The following AKAP6 variants were observed in gnomAD, a reference collection of about 807,000 sequenced individuals.
AKAP6 encodes A-kinase anchoring protein 6.
AKAP6 carries 58 observed loss-of-function variants against 188.5 expected under a neutral mutation model. That is an observed-to-expected ratio of 0.31 (90% confidence interval 0.25 to 0.38). The LOEUF is 0.38. AKAP6 is among the 10% of genes least tolerant of loss of function. AKAP6 has a pLI of 1.00. For synonymous variants in AKAP6, 989 were observed against 998.6 expected (o/e 0.99, Z 0.18); for missense variants, 2,710 against 2,740.0 (o/e 0.99, Z 0.24).
intron 2 of AKAP6, among the ~76,000 whole-genome samples, chr14:32,478,030 T>A (rs1465657542): frequency 1.3e-5 from 2 of 152,166 alleles, no homozygotes; most frequent in Non-Finnish European, 2.9e-5. Context: ...TCAACAGGCA[T>A]TGCATGGCTG....
chr14:32,510,380 G>GTA (rs56715964), intron 2 of AKAP6, among the ~76,000 whole-genome samples: 45,411 of 93,866 alleles, frequency 0.48, 9,180 homozygotes, highest in African/African-American at 0.56. Flanking sequence ...ATATATATGT[G>GTA]TATATATATA....
intron 1 of AKAP6, among the ~76,000 whole-genome samples, chr14:32,362,206 G>A (rs1887686992): frequency 6.6e-6 from 1 of 152,058 alleles, no homozygotes; most frequent in Non-Finnish European, 1.5e-5. Flanking sequence ...CATAGTTCCA[G>A]GCATGAAGAC....
intron 12 of AKAP6, among the ~76,000 whole-genome samples, chr14:32,781,368 ATATG>A (rs1372692631): frequency 6.6e-6 from 1 of 151,736 alleles, no homozygotes; most frequent in African/African-American, 2.4e-5. Flanking sequence ...AAAAAAGAGA[ATATG>A]AAGGTAATTT....
chr14:32,734,399 A>G (rs1035036974), intron 10 of AKAP6: 2 of 152,126 alleles, frequency 1.3e-5, no homozygotes, highest in African/African-American at 4.8e-5. Context: ...TGTGCTGCAT[A>G]TTACTCTGTC....
At chr14:32,588,601 G>A (rs1466036551) in intron 5 of AKAP6, among the ~76,000 whole-genome samples, 1 of 152,136 alleles carries the variant, frequency 6.6e-6, no homozygotes, top group East Asian at 1.9e-4. Flanking sequence ...CCTGAACTTT[G>A]TTGTTCCTTT....
At chr14:32,588,428 G>C (rs1885344637) in intron 5 of AKAP6, among the ~76,000 whole-genome samples, 2 of 152,108 alleles carry the variant, frequency 1.3e-5, no homozygotes, top group South Asian at 4.1e-4. Context: ...TTTCCTCCTT[G>C]TCCCATTTGT....
intron 7 of AKAP6, among the ~76,000 whole-genome samples, chr14:32,612,290 G>A (rs1263190081): frequency 6.6e-6 from 1 of 152,070 alleles, no homozygotes. Flanking sequence ...ACTCCTTGGG[G>A]CAGCAACTAC....
At chr14:32,799,084 T>C (rs192537823) in intron 12 of AKAP6, among the ~76,000 whole-genome samples, 5 of 152,292 alleles carry the variant, frequency 3.3e-5, no homozygotes, top group African/African-American at 4.8e-5. Context: ...GTAGACAATA[T>C]ATTTTTGCTT....
At chr14:32,483,079 A>G (rs1879449926) in intron 2 of AKAP6, among the ~76,000 whole-genome samples, 1 of 151,824 alleles carries the variant, frequency 6.6e-6, no homozygotes, top group Admixed American at 6.6e-5. Flanking sequence ...ACTAATTTAC[A>G]TTCTTCCCAG....
At chr14:32,488,220 C>G (rs1321276346) in intron 2 of AKAP6, among the ~76,000 whole-genome samples, 1 of 152,178 alleles carries the variant, frequency 6.6e-6, no homozygotes, top group Non-Finnish European at 1.5e-5. Flanking sequence ...TTTAGAGATG[C>G]CCTGCCCGGA....
At chr14:32,472,212 C>T (rs1477944934) in intron 2 of AKAP6, among the ~76,000 whole-genome samples, 2 of 152,012 alleles carry the variant, frequency 1.3e-5, no homozygotes, top group East Asian at 3.9e-4. Context: ...CTCCCCTTTT[C>T]CCCCAGGCTT....
chr14:32,697,577 G>A (rs1890456334), intron 9 of AKAP6, among the ~76,000 whole-genome samples: 1 of 152,054 alleles, frequency 6.6e-6, no homozygotes, highest in African/African-American at 2.4e-5. Context: ...TAAGTATTAA[G>A]AATTGAGCCA....
At chr14:32,775,433 CTTTT>C (rs112257013) in intron 12 of AKAP6, among the ~76,000 whole-genome samples, 1 of 120,608 alleles carries the variant, frequency 8.3e-6, no homozygotes. Flanking sequence ...CATTTTTATC[CTTTT>C]TTTTTTTTTT....
chr14:32,628,210 T>C (rs1260991500), intron 7 of AKAP6: 2 of 152,100 alleles, frequency 1.3e-5, no homozygotes, highest in Non-Finnish European at 2.9e-5. Context: ...GGAGGTCAGT[T>C]ATCTGGTGGT....
intron 1 of AKAP6, among the ~76,000 whole-genome samples, chr14:32,368,966 G>C (rs1394814243): frequency 1.3e-5 from 2 of 152,106 alleles, no homozygotes; most frequent in Non-Finnish European, 2.9e-5. Flanking sequence ...GAGTGATGTG[G>C]TTAGAATCAT....
At chr14:32,746,576 T>C (rs937834332) in intron 11 of AKAP6, among the ~76,000 whole-genome samples, 9 of 152,250 alleles carry the variant, frequency 5.9e-5, no homozygotes, top group African/African-American at 1.9e-4. Context: ...CATCATTAAA[T>C]TGGTGTACTT....
intron 9 of AKAP6, among the ~76,000 whole-genome samples, chr14:32,701,192 A>G (rs1321545232): frequency 1.3e-5 from 2 of 152,180 alleles, no homozygotes; most frequent in Non-Finnish European, 2.9e-5. Context: ...CAACATGAAA[A>G]TAATATAAAT....
At chr14:32,531,908 C>A (rs1005132959) in intron 2 of AKAP6, among the ~76,000 whole-genome samples, 1 of 152,194 alleles carries the variant, frequency 6.6e-6, no homozygotes, top group African/African-American at 2.4e-5. Context: ...TACCCATGAT[C>A]AGTTTACCTA....
At chr14:32,436,077 A>G (rs998708824) in intron 2 of AKAP6, among the ~76,000 whole-genome samples, 2 of 152,222 alleles carry the variant, frequency 1.3e-5, no homozygotes, top group Non-Finnish European at 2.9e-5. Context: ...GCAGCTCTCA[A>G]CTGAGGCCTT....
Sources: allele counts gnomAD v4.1 joint callset (sites outside exome capture counted in the v4.1 genomes callset), GRCh38; gene constraint gnomAD v4.1.1; transcripts MANE v1.5; gene names NCBI Gene and HGNC (gene_info 2026-07-23, HGNC 2026-07-21).